Variants in ZC3H7B observed in about 807,000 individuals in gnomAD.
ZC3H7B encodes the protein zinc finger CCCH-type containing 7B.
ZC3H7B carries 35 observed loss-of-function variants against 116.0 expected under a neutral mutation model. That is an observed-to-expected ratio of 0.30 (90% CI 0.23 to 0.40). The LOEUF is 0.40. Ranked by LOEUF, ZC3H7B falls within the 10% of genes least tolerant of loss-of-function variation. ZC3H7B has a pLI of 1.00. For missense variants in ZC3H7B, 1,011 were observed against 1,321.5 expected, an observed-to-expected ratio of 0.77 and a Z score of 3.64; for synonymous variants, 502 against 545.6, an observed-to-expected ratio of 0.92 and a Z score of 1.11.
At chr22:41,353,767 G>C in intron 17 of ZC3H7B, among the ~76,000 whole-genome samples, 1 of 152,208 alleles carries the variant, frequency 6.6e-6, no homozygotes, top group South Asian at 2.1e-4. Context: ...GCATTCCCTT[G>C]CTCCCTGACT....
At chr22:41,310,528 G>A (rs1030408623) in intron 1 of ZC3H7B, among the ~76,000 whole-genome samples, 1 of 152,148 alleles carries the variant, frequency 6.6e-6, no homozygotes, top group Non-Finnish European at 1.5e-5. Context: ...CTCTCTTGAT[G>A]CCCAATGATG....
At chr22:41,319,573 A>T (rs2036228715) in intron 1 of ZC3H7B, among the ~76,000 whole-genome samples, 1 of 148,126 alleles carries the variant, frequency 6.8e-6, no homozygotes, top group Admixed American at 6.7e-5. Flanking sequence ...CCGGCTAAAA[A>T]AAAAAAAAAA....
rs148426973 is a variant in ZC3H7B at position 41,345,952 on chromosome 22, C to T, written c.1460-51C>T. ...CCGCAGCGGGGTGGCGAGGGTGCTG[C>T]GGGCTGCTATCCCCGCCTGGCGGAA... On this transcript the variant is annotated intron_variant, in intron 13 of 22. Transcript: ENST00000352645. 7.2e-5 allele frequency: 115 copies of T among 1,593,750 alleles called. No homozygotes were observed. In the East Asian group the frequency reaches 1.7e-3, roughly 24 times the overall value.
At position 41,327,262 on chromosome 22, in the gene ZC3H7B, G is replaced by C; in HGVS notation, c.342G>C (p.Glu114Asp). Residue 114 changes from glutamate (E) to aspartate (D), a missense_variant, in exon 5 of 23, where the codon GAG becomes GAC. Coordinates refer to ENST00000352645, the MANE Select transcript of ZC3H7B (RefSeq NM_017590.6). The surrounding 1 kb of genome is among the most constrained non-coding windows in gnomAD (Gnocchi z 4.5). ...DSEKALGLDS[E>D]SIRALFRKAR... ...AGAAGGCGCTGGGCCTGGACAGTGA[G>C]AGTATCCGGGCGTTGTTCCGCAAGG... is the stretch of plus-strand genomic sequence containing the variant. 6.2e-7 allele frequency: 1 copy of C among 1,614,088 alleles called. No individual in the cohort carries two copies. Among genetic ancestry groups the C allele is most frequent in the Non-Finnish European group, 8.5e-7 (1 of 1,180,046 alleles).
Position 41,338,343 on chromosome 22 carries a change from G to C in ZC3H7B, c.613G>C (p.Asp205His). ...GTSNGLGSIDDIETDCYVDPR... is the reference protein window; with the variant it reads ...GTSNGLGSIDHIETDCYVDPR... ...TTCTAATGGATTGGGGTCCATAGAT[G>C]ACATCGAAACAGGTAATGTCCCCGA... Residue 205 changes from aspartate (D) to histidine (H), a missense_variant, in exon 8 of 23, where the codon GAC becomes CAC. Coordinates refer to ENST00000352645, the MANE Select transcript of ZC3H7B (RefSeq NM_017590.6). The surrounding 1 kb of genome is among the most constrained non-coding windows in gnomAD (Gnocchi z 4.5). The C allele has an allele frequency of 1.2e-6, 2 of 1,613,774 alleles. No homozygotes were observed. The highest frequency in any genetic ancestry group is 1.7e-6 in the Non-Finnish European group (2 of 1,179,920).
At chr22:41,320,546 G>T in intron 1 of ZC3H7B, 109 bp from the exon 2 acceptor site, 6 of 1,242,832 alleles carry the variant, frequency 4.8e-6, no homozygotes, top group Non-Finnish European at 7.1e-6. Flanking sequence ...ATGGGGAAGG[G>T]AATGAGAGTG....
intron 17 of ZC3H7B, 109 bp from the exon 18 acceptor site, chr22:41,355,360 G>A: frequency 6.8e-7 from 1 of 1,468,288 alleles, no homozygotes; most frequent in Non-Finnish European, 9.2e-7. Context: ...AGACCTGGGA[G>A]CAGACCAGCT....
chr22:41,354,222 GTAA>G (rs1400030336), intron 17 of ZC3H7B, among the ~76,000 whole-genome samples: 2 of 152,218 alleles, frequency 1.3e-5, no homozygotes, highest in African/African-American at 4.8e-5. Context: ...CCAAGAAATG[GTAA>G]TAATGCCTTC....
Position 41,325,195 on chromosome 22 carries a change from T to C in ZC3H7B, c.54-369T>C, listed in dbSNP as rs562074841. ...CTGGGGCTAGGTCCAGGGCCAGAGGTAGAGCTGGAACTGAGCTGGGCTAGG... is the reference window on the plus strand; with the variant it reads ...CTGGGGCTAGGTCCAGGGCCAGAGGCAGAGCTGGAACTGAGCTGGGCTAGG... On this transcript the variant is annotated intron_variant, in intron 2 of 22. Coordinates refer to ENST00000352645, the MANE Select transcript of ZC3H7B (RefSeq NM_017590.6). Among the ~76,000 whole-genome samples, 6 of 152,006 alleles carry C rather than the reference T, an allele frequency of 3.9e-5. No homozygotes were observed. In the East Asian group the frequency reaches 1.2e-3, roughly 29 times the overall value.
intron 21 of ZC3H7B, 56 bp downstream of exon 21, chr22:41,356,532 C>T: frequency 1.2e-6 from 2 of 1,611,022 alleles, no homozygotes; most frequent in African/African-American, 2.7e-5. Context: ...GTCTGAGCCT[C>T]ACCTGGGAGG....
Position 41,339,876 on chromosome 22 carries a change from C to A in ZC3H7B, c.877C>A (p.Pro293Thr). 6.2e-7 allele frequency: 1 copy of A among 1,613,516 alleles called. No homozygotes were observed. The highest frequency in any genetic ancestry group is 1.7e-5 in the Admixed American group (1 of 59,962). The stretch of plus-strand genomic sequence containing the variant: ...GCCTAGTGAGTTGCCCCAGCTGATA[C>A]CCGTGTTCCCCGGCGGGACCCCACT... The part of the protein sequence containing the change: ...GVPSELPQLI[P>T]VFPGGTPLLP... Residue 293 changes from proline to threonine, a missense_variant, in exon 10 of 23, where the codon CCC becomes ACC. Coordinates refer to ENST00000352645, the MANE Select transcript of ZC3H7B (RefSeq NM_017590.6).
intron 13 of ZC3H7B, among the ~76,000 whole-genome samples, chr22:41,345,505 A>C (rs2036573244): frequency 6.6e-6 from 1 of 152,128 alleles, no homozygotes; most frequent in Non-Finnish European, 1.5e-5. Context: ...GAATCACTTG[A>C]ATCCAGGAGG....
rs1468086749 is a variant in ZC3H7B at position 41,357,364 on chromosome 22, G to T, written c.2869G>T (p.Gly957Trp). 3 of 1,613,382 alleles carry T rather than the reference G, an allele frequency of 1.9e-6. No individual in the cohort carries two copies. The highest frequency in any genetic ancestry group is 1.1e-5 in the South Asian group (1 of 91,086). ...GKYNFLLQED[G>W]DLAGATPEAP... ...ATACAACTTCCTGCTGCAAGAGGACGGGGACCTTGCCGGTGCCACCCCAGA... is the reference window on the plus strand; with the variant it reads ...ATACAACTTCCTGCTGCAAGAGGACTGGGACCTTGCCGGTGCCACCCCAGA... The change falls in exon 23 of 23, where the codon GGG becomes TGG. Residue 957 changes from glycine to tryptophan, a missense_variant. By Grantham distance (184) the Gly-to-Trp change is radical. Around this residue, in one of 5 missense-constraint regions of ZC3H7B, gnomAD observed 406 missense variants for 590.2 expected, o/e 0.69. Transcript: ENST00000352645. This position sits in a 1 kb window ranked among gnomAD's most constrained non-coding sequence, Gnocchi z 5.4.
intron 7 of ZC3H7B, chr22:41,336,904 G>A (rs1299943008): frequency 6.6e-6 from 1 of 151,790 alleles, no homozygotes; most frequent in East Asian, 1.9e-4. Context: ...GGGCGGTTGA[G>A]GGAGGTGGAT....
Position 41,346,885 on chromosome 22 carries a change from T to C in ZC3H7B, c.1665+677T>C, listed in dbSNP as rs547314185. On this transcript the variant is annotated intron_variant, in intron 14 of 22. Coordinates refer to ENST00000352645, the MANE Select transcript of ZC3H7B (RefSeq NM_017590.6). The surrounding 1 kb of genome is among the most constrained non-coding windows in gnomAD (Gnocchi z 5.3). ...GGCTAAGGTGGGAGGATTGATTGCT[T>C]GCGTCCAGGAGGTAGAGGCTGCAGT... Among the ~76,000 whole-genome samples, 1 of 151,196 alleles carries C rather than the reference T, an allele frequency of 6.6e-6. No individual in the cohort carries two copies. The highest frequency in any genetic ancestry group is 6.6e-5 in the Admixed American group (1 of 15,164).
Position 41,338,342 on chromosome 22 carries a change from T to C in ZC3H7B, c.612T>C (p.Asp204=), listed in dbSNP as rs2036472037. The C allele has an allele frequency of 6.2e-7, 1 of 1,613,624 alleles. No individual in the cohort carries two copies. Among genetic ancestry groups the C allele is most frequent in the African/African-American group, 1.3e-5 (1 of 74,856 alleles). ...CTTCTAATGGATTGGGGTCCATAGA[T>C]GACATCGAAACAGGTAATGTCCCCG... ...QGTSNGLGSI[D]DIETDCYVDP... The change falls in exon 8 of 23, where the codon GAT becomes GAC. Residue 204 remains aspartate, a synonymous_variant. Coordinates refer to ENST00000352645, the MANE Select transcript of ZC3H7B (RefSeq NM_017590.6). This position sits in a 1 kb window ranked among gnomAD's most constrained non-coding sequence, Gnocchi z 4.5.
rs367651584 is a variant in ZC3H7B at position 41,355,907 on chromosome 22, A to T, written c.2274+45A>T. On this transcript the variant is annotated intron_variant, in intron 19 of 22. Transcript: ENST00000352645. ...GCTGGGGGTCCCCCAGGAGGCAGCG[A>T]TGCTTTCCAGCGGGACTCAGAGGAT... 4.7e-5 allele frequency: 76 copies of T among 1,610,270 alleles called. No individual in the cohort carries two copies. The African/African-American group carries it at 9.6e-4, about 20-fold the overall frequency.
At position 41,346,190 on chromosome 22, in the gene ZC3H7B, C is replaced by A. The variant is rs1434704331; in HGVS notation, c.1647C>A (p.Ile549=). 6.2e-7 allele frequency: 1 copy of A among 1,611,134 alleles called. No homozygotes were observed. ...IAKLLKEHQG[I]FTFLCEICFD... ...AGCTCCTGAAGGAGCACCAGGGCATCTTCACCTTCCTCTGCGAGGTACTGC... is the reference window on the plus strand; with the variant it reads ...AGCTCCTGAAGGAGCACCAGGGCATATTCACCTTCCTCTGCGAGGTACTGC... The change falls in exon 14 of 23, where the codon ATC becomes ATA. Residue 549 remains isoleucine (I), a synonymous_variant. Coordinates refer to ENST00000352645, the MANE Select transcript of ZC3H7B (RefSeq NM_017590.6). This position sits in a 1 kb window ranked among gnomAD's most constrained non-coding sequence, Gnocchi z 5.3.
Position 41,356,227 on chromosome 22 carries a change from G to A in ZC3H7B, c.2384-116G>A, listed in dbSNP as rs191378178. ...CTCTCTGAGGCCAGGCCCTGAGGCT[G>A]AGCGGCCTATCAGCAGGACTTGGGA... On this transcript the variant is annotated intron_variant, in intron 20 of 22. Transcript: ENST00000352645. The A allele has an allele frequency of 3.4e-4, 518 of 1,541,176 alleles. 1 individual carries two copies. In the African/African-American group the frequency reaches 5.3e-3, roughly 16 times the overall value.
Sources: gnomAD v4.1 joint callset for allele counts (sites outside exome capture counted in the v4.1 genomes callset) on GRCh38, gnomAD v4.1.1 for gene constraint, gnomAD v4.1.1 regional missense constraint, Gnocchi (gnomAD v3.1) non-coding constraint, MANE v1.5 for transcripts, NCBI Gene and HGNC (gene_info 2026-07-23, HGNC 2026-07-21) for gene names.